The following SLC16A9 variants were observed in gnomAD, a reference collection of about 807,000 sequenced individuals.
The protein encoded by SLC16A9 is monocarboxylate transporter 9.
SLC16A9 carries 26 observed loss-of-function variants against 44.3 expected under a neutral mutation model. That is an observed-to-expected ratio of 0.59 (90% CI 0.43 to 0.81). The LOEUF is 0.81. Among genes scored for constraint, SLC16A9 ranks in the 40% least tolerant of loss-of-function variants. The pLI is 0.00. For missense variants in SLC16A9, 559 were observed against 595.8 expected, an observed-to-expected ratio of 0.94 and a Z score of 0.64; for synonymous variants, 230 against 225.1, an observed-to-expected ratio of 1.02 and a Z score of -0.19.
intron 3 of SLC16A9, among the ~76,000 whole-genome samples, chr10:59,665,911 G>T (rs960124790): frequency 6.6e-6 from 1 of 152,082 alleles, no homozygotes; most frequent in African/African-American, 2.4e-5. Context: ...TTTTTAAAAT[G>T]ATTTAAAGGC....
chr10:59,675,305 G>A (rs546879050), intron 2 of SLC16A9, among the ~76,000 whole-genome samples: 1 of 152,270 alleles, frequency 6.6e-6, no homozygotes, highest in Admixed American at 6.5e-5. Context: ...CTCCCTGATT[G>A]AGAAATAGTT....
intron 1 of SLC16A9, among the ~76,000 whole-genome samples, chr10:59,698,004 A>G (rs925653225): frequency 6.6e-6 from 1 of 151,226 alleles, no homozygotes; most frequent in African/African-American, 2.4e-5. Context: ...AAAACCCTCA[A>G]TAAATGTTAG....
intron 1 of SLC16A9, among the ~76,000 whole-genome samples, chr10:59,686,254 C>A (rs972266848): frequency 6.6e-6 from 1 of 152,028 alleles, no homozygotes; most frequent in Non-Finnish European, 1.5e-5. Flanking sequence ...TCTAATGGGG[C>A]TTTTTCTGTC....
Position 59,654,376 on chromosome 10 carries a change from T to A in SLC16A9, c.650A>T (p.Lys217Ile). 6.2e-7 allele frequency: 1 copy of A among 1,613,940 alleles called. No individual in the cohort carries two copies. Among genetic ancestry groups the A allele is most frequent in the Non-Finnish European group, 8.5e-7 (1 of 1,180,022 alleles). Residue 217 changes from lysine to isoleucine, a missense_variant, in exon 5 of 6, where the codon AAA becomes ATA. Lys to Ile is a moderately radical substitution (Grantham distance 102). Coordinates refer to ENST00000395348, the MANE Select transcript of SLC16A9 (RefSeq NM_194298.3). ...TATGTTTTCTTCCAGATTCTTTCCT[T>A]TTTCATTGTAAATGGAGTATTTATC... ...LPDKYSIYNEKGKNLEENINI... is the reference protein window; with the variant it reads ...LPDKYSIYNEIGKNLEENINI...
At chr10:59,684,842 T>C (rs1463258145) in intron 1 of SLC16A9, among the ~76,000 whole-genome samples, 1 of 152,212 alleles carries the variant, frequency 6.6e-6, no homozygotes, top group Non-Finnish European at 1.5e-5. Flanking sequence ...AGCTGGGTGC[T>C]GGGAGCTGCC....
At chr10:59,660,816 G>T (rs914158493) in intron 4 of SLC16A9, among the ~76,000 whole-genome samples, 1 of 152,288 alleles carries the variant, frequency 6.6e-6, no homozygotes, top group East Asian at 1.9e-4. Context: ...CGATCAAGTT[G>T]GCTTCATCCC....
rs770693741 is a variant in SLC16A9 at position 59,684,304 on chromosome 10, T to G, written c.-13A>C. 4 of 1,608,508 alleles carry G rather than the reference T, an allele frequency of 2.5e-6. No homozygotes were observed. Among genetic ancestry groups the G allele is most frequent in the Non-Finnish European group, 3.4e-6 (4 of 1,177,316 alleles). On this transcript the variant is annotated 5_prime_UTR_variant, in exon 2 of 6. Coordinates refer to ENST00000395348, the MANE Select transcript of SLC16A9 (RefSeq NM_194298.3). ...TTTTAAGTTCCATTGTAAGACAAAATCAGGAGGCGTTTCTCTGCAGGTCCT... is the reference window on the plus strand; with the variant it reads ...TTTTAAGTTCCATTGTAAGACAAAAGCAGGAGGCGTTTCTCTGCAGGTCCT...
At chr10:59,654,759 T>A (rs1165434993) in intron 4 of SLC16A9, among the ~76,000 whole-genome samples, 170 bp from the exon 5 acceptor site, 1 of 152,208 alleles carries the variant, frequency 6.6e-6, no homozygotes, top group African/African-American at 2.4e-5. Context: ...ATAGTAATAC[T>A]GATAGAACAT....
chr10:59,696,140 C>G (rs575293161), intron 1 of SLC16A9, among the ~76,000 whole-genome samples: 68 of 152,158 alleles, frequency 4.5e-4, no homozygotes, highest in Non-Finnish European at 7.5e-4. Context: ...GCCACGGTCT[C>G]CCTCTGATGC....
At chr10:59,674,478 G>C (rs529665112) in intron 2 of SLC16A9, among the ~76,000 whole-genome samples, 2 of 152,084 alleles carry the variant, frequency 1.3e-5, no homozygotes, top group African/African-American at 4.8e-5. Flanking sequence ...TGATACATTT[G>C]CATGACAAAT....
rs966970254 is a variant in SLC16A9 at position 59,684,297 on chromosome 10, G to A, written c.-6C>T. On this transcript the variant is annotated 5_prime_UTR_variant, in exon 2 of 6. Transcript: ENST00000395348. ...GGCGACTTTTTAAGTTCCATTGTAA[G>A]ACAAAATCAGGAGGCGTTTCTCTGC... 2 of 1,608,928 alleles carry A rather than the reference G, an allele frequency of 1.2e-6. No individual in the cohort carries two copies. The highest frequency in any genetic ancestry group is 1.3e-5 in the African/African-American group (1 of 74,632).
At chr10:59,662,177 CTAT>C (rs976362007) in intron 4 of SLC16A9, among the ~76,000 whole-genome samples, 23 of 151,908 alleles carry the variant, frequency 1.5e-4, no homozygotes, top group Non-Finnish European at 2.8e-4. Flanking sequence ...GCAAAAGAAA[CTAT>C]CATCAGAGTG....
intron 2 of SLC16A9, among the ~76,000 whole-genome samples, chr10:59,675,889 C>G (rs1839848438): frequency 6.6e-6 from 1 of 152,226 alleles, no homozygotes; most frequent in East Asian, 1.9e-4. Context: ...AAGTTGCCCA[C>G]ATGGCCCTCT....
Position 59,690,596 on chromosome 10 carries a change from T to C in SLC16A9, c.-36-6269A>G, listed in dbSNP as rs552914342. ...ACATGTGTAATCAGGATAGGCCCGA[T>C]AGGTTTGGTGGAGTTGGAGAGGGCA... On this transcript the variant is annotated intron_variant, in intron 1 of 5. Coordinates refer to ENST00000395348, the MANE Select transcript of SLC16A9 (RefSeq NM_194298.3). Among the ~76,000 whole-genome samples, 5 of 152,128 alleles carry C rather than the reference T, an allele frequency of 3.3e-5. No individual in the cohort carries two copies. In the East Asian group the frequency reaches 9.7e-4, roughly 29 times the overall value.
chr10:59,696,896 G>C (rs12771895), intron 1 of SLC16A9, among the ~76,000 whole-genome samples: 13,590 of 143,932 alleles, frequency 0.094, 866 homozygotes, highest in Non-Finnish European at 0.13. Context: ...AGTGAGGAGC[G>C]TCTCCGCCCG....
At chr10:59,707,413 G>A (rs1279911770) in intron 1 of SLC16A9, among the ~76,000 whole-genome samples, 8 of 151,650 alleles carry the variant, frequency 5.3e-5, no homozygotes, top group African/African-American at 1.2e-4. Context: ...TAGAACCCTG[G>A]TTACCAGTAG....
At chr10:59,683,786 C>T (rs776706622) in intron 2 of SLC16A9, among the ~76,000 whole-genome samples, 15 of 152,194 alleles carry the variant, frequency 9.9e-5, no homozygotes, top group Non-Finnish European at 1.8e-4. Flanking sequence ...GACTATGAGC[C>T]TCTTAAGGGC....
intron 1 of SLC16A9, among the ~76,000 whole-genome samples, chr10:59,696,886 A>C (rs1433243133): frequency 6.7e-6 from 1 of 148,376 alleles, no homozygotes; most frequent in East Asian, 2.0e-4. Context: ...CCGTGTGGGA[A>C]GTGAGGAGCG....
intron 1 of SLC16A9, among the ~76,000 whole-genome samples, chr10:59,705,801 G>A (rs568205025): frequency 6.6e-6 from 1 of 152,286 alleles, no homozygotes; most frequent in Non-Finnish European, 1.5e-5. Flanking sequence ...TCATAAAACT[G>A]AAATTAAAGG....
Sources: gnomAD v4.1 joint callset for allele counts (sites outside exome capture counted in the v4.1 genomes callset) on GRCh38, gnomAD v4.1.1 for gene constraint, MANE v1.5 for transcripts, NCBI Gene and HGNC (gene_info 2026-07-23, HGNC 2026-07-21) for gene names.